Variants in TKTL1 observed in about 807,000 individuals in gnomAD.
TKTL1 encodes transketolase-like protein 1.
In TKTL1, 1 loss-of-function variant was observed where a neutral mutation model predicts 39.3. The observed-to-expected ratio is 0.03, with a 90% CI of 0.01 to 0.12. TKTL1 has a LOEUF of 0.12. Among genes scored for constraint, TKTL1 ranks in the 10% least tolerant of loss-of-function variants. The probability of loss-of-function intolerance (pLI) is 1.00; values close to 1 mark genes in which losing one functional copy is unlikely to be tolerated. For synonymous variants in TKTL1, 262 were observed against 193.8 expected (o/e 1.35, Z -2.92); for missense variants, 575 against 509.6 (o/e 1.13, Z -1.24).
intron 7 of TKTL1, among the ~76,000 whole-genome samples, chrX:154,315,622 C>G (rs1309293288): frequency 9.0e-6 from 1 of 111,371 alleles, no homozygotes; most frequent in Admixed American, 9.5e-5. Context: ...CCATCTGAAC[C>G]CAGGGCTCTG....
chrX:154,308,098 A>G (rs2067329353), intron 2 of TKTL1, among the ~76,000 whole-genome samples: 1 of 112,120 alleles, frequency 8.9e-6, no homozygotes, highest in East Asian at 2.8e-4. Flanking sequence ...GGTGACAGGC[A>G]GGAAACAAAC....
chrX:154,313,691 T>C (rs1603352995), intron 6 of TKTL1, among the ~76,000 whole-genome samples: 1 of 111,286 alleles, frequency 9.0e-6, no homozygotes, highest in Middle Eastern at 4.6e-3. Flanking sequence ...ATCCCAGCAC[T>C]ATCAGGAGGC....
At chrX:154,301,741 T>C (rs1288696212) in intron 1 of TKTL1, among the ~76,000 whole-genome samples, 3 of 106,917 alleles carry the variant, frequency 2.8e-5, no homozygotes, top group African/African-American at 1.0e-4. Context: ...GAGGTTTTAG[T>C]CCCCATTTTC....
At chrX:154,317,876 A>G (rs5986969) in intron 7 of TKTL1, among the ~76,000 whole-genome samples, 18,406 of 108,600 alleles carry the variant, frequency 0.17, 1,369 homozygotes, top group East Asian at 0.35. Context: ...AGTGGACTGG[A>G]GGGCACCATC....
chrX:154,325,462 C>G (rs964757748), intron 10 of TKTL1, 40 bp downstream of exon 10: 2 of 1,092,214 alleles, frequency 1.8e-6, no homozygotes, highest in African/African-American at 3.6e-5. Context: ...AGTATCATCT[C>G]CTGTAAAAAG....
chrX:154,326,277 C>A (rs1287469643), intron 10 of TKTL1, among the ~76,000 whole-genome samples: 2 of 111,936 alleles, frequency 1.8e-5, no homozygotes, highest in African/African-American at 6.5e-5. Context: ...GCTCAGCCTG[C>A]CTGTCAGGGC....
At chrX:154,301,760 T>C (rs1322319713) in intron 1 of TKTL1, among the ~76,000 whole-genome samples, 2 of 108,028 alleles carry the variant, frequency 1.9e-5, no homozygotes, top group African/African-American at 6.8e-5. Context: ...TCTTTCTTTT[T>C]TTTTTTTTTT....
chrX:154,296,395 G>T (rs782392174), intron 1 of TKTL1, among the ~76,000 whole-genome samples: 1 of 111,390 alleles, frequency 9.0e-6, no homozygotes, highest in African/African-American at 3.3e-5. Context: ...CTGGTAAGCA[G>T]TTGTACTGGA....
chrX:154,316,914 C>G (rs2067405529), intron 7 of TKTL1, among the ~76,000 whole-genome samples: 1 of 109,822 alleles, frequency 9.1e-6, no homozygotes, highest in African/African-American at 3.3e-5. Context: ...GGATTACAGA[C>G]ATGCGCCACC....
chrX:154,305,666 A>G (rs2067309508), intron 2 of TKTL1, among the ~76,000 whole-genome samples: 1 of 110,462 alleles, frequency 9.1e-6, no homozygotes, highest in Admixed American at 9.6e-5. Context: ...GCCTCGCCCC[A>G]CTTAGCACGA....
Position 154,315,159 on chromosome X carries a change from T to C in TKTL1, c.865-14T>C, listed in dbSNP as rs781938756. On this transcript the variant is annotated splice_polypyrimidine_tract_variant and intron_variant, in intron 6 of 12. Coordinates refer to ENST00000369915, the MANE Select transcript of TKTL1 (RefSeq NM_012253.4). ...TTGAAGAAACTCTACCACCTGATTG[T>C]CTCTGTCTTCTAGATAGCTACTCGG... The C allele has an allele frequency of 2.5e-6, 3 of 1,204,963 alleles. No homozygotes were observed. The Admixed American group carries it at 6.6e-5, about 27-fold the overall frequency.
At chrX:154,304,897 C>A in intron 1 of TKTL1, 2 of 657,290 alleles carry the variant, frequency 3.0e-6, no homozygotes, top group Non-Finnish European at 4.3e-6. Context: ...ATTTCTCAGT[C>A]TGTCACCGTT....
intron 7 of TKTL1, among the ~76,000 whole-genome samples, chrX:154,320,137 C>G (rs782587687): frequency 8.9e-6 from 1 of 112,248 alleles, no homozygotes; most frequent in East Asian, 2.8e-4. Context: ...GGGGCCAAGT[C>G]AAGTCACAGG....
chrX:154,324,721 G>T (rs2067480023), intron 9 of TKTL1, among the ~76,000 whole-genome samples: 1 of 111,619 alleles, frequency 9.0e-6, no homozygotes, highest in Non-Finnish European at 1.9e-5. Context: ...GCTGAGTTAT[G>T]CCTCGGTGAA....
chrX:154,324,777 A>G (rs1490547760), intron 9 of TKTL1, among the ~76,000 whole-genome samples: 1 of 112,119 alleles, frequency 8.9e-6, no homozygotes, highest in Non-Finnish European at 1.9e-5. Flanking sequence ...AACAGTAGCG[A>G]CGTTTCTTGC....
At chrX:154,323,406 T>C (rs2067467751) in intron 9 of TKTL1, 69 bp downstream of exon 9, 2 of 1,098,588 alleles carry the variant, frequency 1.8e-6, no homozygotes, top group Admixed American at 2.7e-5. Flanking sequence ...ATACTGATGA[T>C]TGGACTTTTT....
intron 1 of TKTL1, among the ~76,000 whole-genome samples, chrX:154,303,437 C>T (rs1175663218): frequency 2.5e-5 from 2 of 80,219 alleles, no homozygotes; most frequent in Non-Finnish European, 4.5e-5. Context: ...CACCATGTTG[C>T]CCATGCTGGT....
chrX:154,298,856 A>AT (rs1278883381), intron 1 of TKTL1, among the ~76,000 whole-genome samples: 1 of 109,383 alleles, frequency 9.1e-6, no homozygotes, highest in African/African-American at 3.3e-5. Context: ...ATTTATTATT[A>AT]TTTTTTGAGA....
intron 10 of TKTL1, among the ~76,000 whole-genome samples, chrX:154,326,984 A>G (rs1438509218): frequency 7.1e-5 from 8 of 112,110 alleles, no homozygotes; most frequent in African/African-American, 2.6e-4. Flanking sequence ...ACCTATACAG[A>G]GGGGAAGTGG....
Sources: gnomAD v4.1 joint callset for allele counts (sites outside exome capture counted in the v4.1 genomes callset) on GRCh38, gnomAD v4.1.1 for gene constraint, MANE v1.5 for transcripts, NCBI Gene and HGNC (gene_info 2026-07-23, HGNC 2026-07-21) for gene names.